The following SH3BGRL2 variants were observed in gnomAD, a reference collection of about 807,000 sequenced individuals.
SH3BGRL2 encodes SH3 domain binding glutamate rich protein like 2.
A neutral mutation model predicts 14.8 loss-of-function variants in SH3BGRL2; 21 were observed. The ratio of observed to expected loss-of-function variants is 1.42; its 90% CI spans 1.01 to 2.05. The LOEUF (loss-of-function observed/expected upper bound fraction) is 2.05. SH3BGRL2 is among the 30% of genes most tolerant of loss of function. The pLI, the probability that SH3BGRL2 is intolerant of heterozygous loss-of-function variation, is 0.00. For missense variants in SH3BGRL2, 147 were observed against 130.8 expected, an observed-to-expected ratio of 1.12 and a Z score of -0.61; for synonymous variants, 50 against 47.8, an observed-to-expected ratio of 1.05 and a Z score of -0.19.
intron 2 of SH3BGRL2, among the ~76,000 whole-genome samples, chr6:79,692,238 T>G (rs1770234773): frequency 6.6e-6 from 1 of 152,200 alleles, no homozygotes; most frequent in South Asian, 2.1e-4. Flanking sequence ...TTGAGTTCAT[T>G]GTAGATTCTG....
At chr6:79,693,778 C>T (rs1770276671) in intron 2 of SH3BGRL2, among the ~76,000 whole-genome samples, 1 of 152,206 alleles carries the variant, frequency 6.6e-6, no homozygotes, top group South Asian at 2.1e-4. Flanking sequence ...TTTTTATAAA[C>T]ATCAGTCTGT....
At chr6:79,541,308 CT>C in the SH3BGRL2 span, among the ~76,000 whole-genome samples, 1 of 151,860 alleles carries the variant, frequency 6.6e-6, no homozygotes, top group East Asian at 1.9e-4. Context: ...AATATGTGTG[CT>C]TTTCACTGTA....
the SH3BGRL2 span, among the ~76,000 whole-genome samples, chr6:79,543,365 T>C: frequency 1.3e-5 from 2 of 152,152 alleles, no homozygotes; most frequent in African/African-American, 2.4e-5. Flanking sequence ...CACATGCAGG[T>C]TGTAGCTAAC....
At chr6:79,658,299 C>A (rs1035926395) in intron 1 of SH3BGRL2, among the ~76,000 whole-genome samples, 2 of 152,182 alleles carry the variant, frequency 1.3e-5, no homozygotes, top group Non-Finnish European at 2.9e-5. Context: ...CCCAGGCCCC[C>A]ACCACCCGAC....
the SH3BGRL2 span, among the ~76,000 whole-genome samples, chr6:79,557,984 T>C: frequency 6.6e-6 from 1 of 152,206 alleles, no homozygotes; most frequent in Non-Finnish European, 1.5e-5. Flanking sequence ...TGAGCTATTG[T>C]TTTTCTTGGA....
the SH3BGRL2 span, among the ~76,000 whole-genome samples, chr6:79,571,694 AT>A: frequency 6.6e-6 from 1 of 152,190 alleles, no homozygotes; most frequent in Non-Finnish European, 1.5e-5. Flanking sequence ...CTTTACCTTC[AT>A]GGCATAGTTA....
At chr6:79,554,135 A>ATGC in the SH3BGRL2 span, among the ~76,000 whole-genome samples, 1 of 151,782 alleles carries the variant, frequency 6.6e-6, no homozygotes, top group African/African-American at 2.4e-5. Flanking sequence ...CAGTCGAGCC[A>ATGC]TGTTGAGAAA....
chr6:79,563,144 AT>A, the SH3BGRL2 span, among the ~76,000 whole-genome samples: 20,097 of 138,000 alleles, frequency 0.15, 1,435 homozygotes, highest in African/African-American at 0.18. Flanking sequence ...TTTTTTTTGT[AT>A]TTTTTTTTTT....
At chr6:79,561,683 G>T in the SH3BGRL2 span, 2 of 152,126 alleles carry the variant, frequency 1.3e-5, no homozygotes, top group Non-Finnish European at 2.9e-5. Flanking sequence ...CTCTCCACTC[G>T]CATACGCTGC....
intron 1 of SH3BGRL2, among the ~76,000 whole-genome samples, chr6:79,657,259 G>C (rs1769439428): frequency 6.6e-6 from 1 of 152,134 alleles, no homozygotes; most frequent in South Asian, 2.1e-4. Flanking sequence ...TTAGATGGGA[G>C]AGAGTAGGAC....
At chr6:79,592,735 A>G in the SH3BGRL2 span, among the ~76,000 whole-genome samples, 3 of 152,200 alleles carry the variant, frequency 2.0e-5, no homozygotes, top group African/African-American at 7.2e-5. Flanking sequence ...TAAAAATTTC[A>G]AACTTAGACT....
chr6:79,672,674 G>C (rs1769797731), intron 1 of SH3BGRL2, among the ~76,000 whole-genome samples: 1 of 152,126 alleles, frequency 6.6e-6, no homozygotes, highest in East Asian at 1.9e-4. Flanking sequence ...TGTCTTCTGG[G>C]GGTCTTGGAA....
chr6:79,696,707 A>T, intron 3 of SH3BGRL2, 142 bp downstream of exon 3: 1 of 562,864 alleles, frequency 1.8e-6, no homozygotes, highest in East Asian at 3.4e-5. Context: ...ATAATTAGAG[A>T]CTACCCAGTG....
the SH3BGRL2 span, among the ~76,000 whole-genome samples, chr6:79,586,906 A>G: frequency 6.6e-6 from 1 of 152,226 alleles, no homozygotes; most frequent in Non-Finnish European, 1.5e-5. Context: ...AGTGTCTATA[A>G]CTGCAAGTTC....
the SH3BGRL2 span, among the ~76,000 whole-genome samples, chr6:79,601,881 T>TA: frequency 7.2e-5 from 11 of 151,962 alleles, no homozygotes; most frequent in African/African-American, 2.2e-4. Flanking sequence ...TGAGATGGCT[T>TA]AAAAAAATAT....
chr6:79,569,119 G>T, the SH3BGRL2 span, among the ~76,000 whole-genome samples: 99 of 152,276 alleles, frequency 6.5e-4, no homozygotes, highest in Middle Eastern at 6.8e-3. Context: ...TAAGATGTAC[G>T]ATATACATTG....
intron 1 of SH3BGRL2, among the ~76,000 whole-genome samples, chr6:79,643,182 CAG>C (rs1252056046): frequency 6.6e-6 from 1 of 152,180 alleles, no homozygotes; most frequent in Non-Finnish European, 1.5e-5. Context: ...TGTTGAGACA[CAG>C]GGTAATTAAG....
At chr6:79,565,610 G>A in the SH3BGRL2 span, among the ~76,000 whole-genome samples, 1 of 152,228 alleles carries the variant, frequency 6.6e-6, no homozygotes, top group Non-Finnish European at 1.5e-5. Flanking sequence ...AATTCCTTGT[G>A]TGGGATTTTT....
At chr6:79,583,615 A>G in the SH3BGRL2 span, among the ~76,000 whole-genome samples, 2 of 152,118 alleles carry the variant, frequency 1.3e-5, no homozygotes, top group Non-Finnish European at 2.9e-5. Context: ...GGAACATCAC[A>G]CACCAGGGCC....
Sources: allele counts gnomAD v4.1 joint callset (sites outside exome capture counted in the v4.1 genomes callset), GRCh38; gene constraint gnomAD v4.1.1; transcripts MANE v1.5; gene names NCBI Gene and HGNC (gene_info 2026-07-23, HGNC 2026-07-21).